NSD3: variants seen among roughly 807,000 people sequenced by gnomAD.
The protein encoded by NSD3 is nuclear receptor binding SET domain protein 3.
Under a neutral mutation model 160.8 loss-of-function variants are expected in NSD3, and 24 were observed. The observed-to-expected ratio is 0.15, with a 90% CI of 0.11 to 0.21. NSD3 has a LOEUF of 0.21. Ranked by LOEUF, NSD3 falls within the 10% of genes least tolerant of loss-of-function variation. NSD3 has a pLI of 1.00. For synonymous variants in NSD3, 520 were observed against 600.0 expected, an observed-to-expected ratio of 0.87 and a Z score of 1.95; for missense variants, 1,157 against 1,735.9, an observed-to-expected ratio of 0.67 and a Z score of 5.93.
At chr8:38,323,491 G>A (rs1809838761) in intron 7 of NSD3, among the ~76,000 whole-genome samples, 1 of 152,056 alleles carries the variant, frequency 6.6e-6, no homozygotes. Flanking sequence ...TCATAGCAGA[G>A]ATTAAATCTT....
At chr8:38,351,277 T>C (rs1810693979) in intron 1 of NSD3, among the ~76,000 whole-genome samples, 2 of 151,184 alleles carry the variant, frequency 1.3e-5, no homozygotes. Context: ...ATGCCTGGCC[T>C]CTTCTAGAAA....
intron 12 of NSD3, among the ~76,000 whole-genome samples, chr8:38,307,451 A>T (rs1277801805): frequency 1.3e-5 from 2 of 152,210 alleles, no homozygotes; most frequent in Non-Finnish European, 2.9e-5. Context: ...TCTGCCTAGA[A>T]ATTCAATTTC....
chr8:38,322,135 A>G (rs527901321), intron 7 of NSD3, among the ~76,000 whole-genome samples: 1 of 152,346 alleles, frequency 6.6e-6, no homozygotes, highest in East Asian at 1.9e-4. Context: ...AGCTCTATCT[A>G]TAAAGCCTTT....
At chr8:38,310,033 AT>A (rs1380453274) in intron 12 of NSD3, among the ~76,000 whole-genome samples, 1 of 152,228 alleles carries the variant, frequency 6.6e-6, no homozygotes, top group Non-Finnish European at 1.5e-5. Context: ...AATTTTTTTA[AT>A]AATTGTGGTA....
At chr8:38,357,153 C>T (rs1810845929) in intron 1 of NSD3, among the ~76,000 whole-genome samples, 2 of 140,622 alleles carry the variant, frequency 1.4e-5, no homozygotes, top group Admixed American at 1.4e-4. Flanking sequence ...AAAATCCTTA[C>T]ATTGATATCA....
At chr8:38,338,143 T>C (rs1024251296) in intron 3 of NSD3, among the ~76,000 whole-genome samples, 4 of 151,730 alleles carry the variant, frequency 2.6e-5, no homozygotes, top group Non-Finnish European at 4.4e-5. Context: ...CTACTAAAAA[T>C]ACAAAAATTA....
chr8:38,291,990 T>C (rs555645734), intron 16 of NSD3, among the ~76,000 whole-genome samples: 14 of 152,366 alleles, frequency 9.2e-5, no homozygotes, highest in East Asian at 7.7e-4. Flanking sequence ...GTGAATTTAA[T>C]TGGAGCACTG....
chr8:38,379,068 G>GT (rs1811473467), intron 1 of NSD3, among the ~76,000 whole-genome samples: 1 of 151,820 alleles, frequency 6.6e-6, no homozygotes, highest in African/African-American at 2.4e-5. Flanking sequence ...TCTGATCAGT[G>GT]TAAGAGACGG....
At chr8:38,303,335 A>G (rs150979096) in intron 14 of NSD3, 15,672 of 985,438 alleles carry the variant, frequency 0.016, 133 homozygotes, top group Middle Eastern at 0.019. Context: ...TATAGCAGGA[A>G]ACATTTCAGA....
In NSD3 at chr8:38,275,475, C is replaced by T. The variant is rs1808576072; in HGVS notation, c.*166G>A. The T allele has an allele frequency of 1.4e-5, 9 of 637,770 alleles. No homozygotes were observed. In the South Asian group the frequency reaches 1.8e-4, roughly 13 times the overall value. The allele number at this position is 637,770 out of a possible 1,614,324, so 39.5% of individuals were successfully genotyped here. On this transcript the variant is annotated 3_prime_UTR_variant, in exon 24 of 24. Transcript: ENST00000317025. ...CCAAACCAACCAAATCAAACAAAAA[C>T]CAGACACCACCAACTGCTTCTGCCT...
chr8:38,273,183 A>C lies in NSD3; in HGVS notation c.*2458T>G, dbSNP rs1189789706. ...CGGCTCCTTTTTGTATTTTTAGCAG[A>C]GACAGGGTTTCACCATGTTGGTCAG... On this transcript the variant is annotated 3_prime_UTR_variant, in exon 24 of 24. Transcript: ENST00000317025. 2.0e-5 allele frequency: 3 copies of C among 152,144 alleles called. No homozygotes were observed. Among genetic ancestry groups the C allele is most frequent in the Non-Finnish European group, 4.4e-5 (3 of 68,098 alleles). 9.4% of individuals were successfully genotyped at this position (152,144 alleles called of 1,614,324 possible).
At chr8:38,376,855 AAAG>A (rs1400752681) in intron 1 of NSD3, among the ~76,000 whole-genome samples, 1 of 152,232 alleles carries the variant, frequency 6.6e-6, no homozygotes, top group Non-Finnish European at 1.5e-5. Flanking sequence ...CTTCTAAAAT[AAAG>A]TAGTTGTACT....
At chr8:38,370,582 A>G (rs190101369) in intron 1 of NSD3, among the ~76,000 whole-genome samples, 38 of 152,174 alleles carry the variant, frequency 2.5e-4, no homozygotes, top group Admixed American at 3.9e-4. Context: ...TATAAAGTAT[A>G]TATCACACAA....
intron 1 of NSD3, among the ~76,000 whole-genome samples, chr8:38,379,894 A>G (rs1338095927): frequency 6.6e-6 from 1 of 152,250 alleles, no homozygotes; most frequent in Non-Finnish European, 1.5e-5. Context: ...ACTTAACACC[A>G]ATGTATGTTC....
At chr8:38,350,731 T>C (rs1810670900) in intron 1 of NSD3, among the ~76,000 whole-genome samples, 1 of 152,192 alleles carries the variant, frequency 6.6e-6, no homozygotes, top group African/African-American at 2.4e-5. Flanking sequence ...GTAACTTTGA[T>C]GCATATTCTT....
chr8:38,373,848 A>G (rs1281010544), intron 1 of NSD3, among the ~76,000 whole-genome samples: 1 of 151,068 alleles, frequency 6.6e-6, no homozygotes, highest in East Asian at 1.9e-4. Context: ...CTATAATCCC[A>G]ACACTTTGGG....
intron 1 of NSD3, among the ~76,000 whole-genome samples, chr8:38,350,233 T>C (rs1353551666): frequency 2.6e-5 from 4 of 152,228 alleles, no homozygotes; most frequent in African/African-American, 9.6e-5. Flanking sequence ...ATGGTATTTC[T>C]AGTTCTAGAT....
At chr8:38,307,266 C>A (rs1412041525) in intron 12 of NSD3, among the ~76,000 whole-genome samples, 1 of 152,040 alleles carries the variant, frequency 6.6e-6, no homozygotes, top group African/African-American at 2.4e-5. Flanking sequence ...CTCACTGCAA[C>A]CTTTGCCTCC....
chr8:38,371,825 G>A (rs1585933153), intron 1 of NSD3, among the ~76,000 whole-genome samples: 1 of 152,138 alleles, frequency 6.6e-6, no homozygotes, highest in African/African-American at 2.4e-5. Context: ...CAAATAGACC[G>A]TATTCAGCAG....
Sources: gnomAD v4.1 joint callset for allele counts (sites outside exome capture counted in the v4.1 genomes callset) on GRCh38, gnomAD v4.1.1 for gene constraint, MANE v1.5 for transcripts, NCBI Gene and HGNC (gene_info 2026-07-23, HGNC 2026-07-21) for gene names.